ADCY5: variants seen among roughly 807,000 people sequenced by gnomAD.
ADCY5 encodes the protein adenylate cyclase type 5.
In ADCY5, 30 loss-of-function variants were observed where a neutral mutation model predicts 119.7. That is an observed-to-expected ratio of 0.25 (90% confidence interval 0.19 to 0.34). The LOEUF (loss-of-function observed/expected upper bound fraction) is 0.34, where lower values mean the gene tolerates loss of function less well. Ranked by LOEUF, ADCY5 falls within the 10% of genes least tolerant of loss-of-function variation. The pLI, the probability that ADCY5 is intolerant of heterozygous loss-of-function variation, is 1.00. For synonymous variants in ADCY5, 753 were observed against 762.2 expected, an observed-to-expected ratio of 0.99 and a Z score of 0.20; for missense variants, 1,324 against 1,775.2, an observed-to-expected ratio of 0.75 and a Z score of 4.57.
intron 12 of ADCY5, among the ~76,000 whole-genome samples, chr3:123,313,300 A>G (rs1940693990): frequency 6.6e-6 from 1 of 152,138 alleles, no homozygotes. Context: ...TGGAGAGAGA[A>G]AGGGGACTTT....
At chr3:123,396,774 G>GC (rs1159507727) in intron 1 of ADCY5, among the ~76,000 whole-genome samples, 9 of 98,354 alleles carry the variant, frequency 9.2e-5, no homozygotes, top group African/African-American at 2.7e-4. Context: ...AGGAAGGAAG[G>GC]AAGGAAGGCA....
At chr3:123,359,332 AT>A (rs1408606005) in intron 1 of ADCY5, among the ~76,000 whole-genome samples, 3 of 2,788 alleles carry the variant, frequency 1.1e-3, no homozygotes, top group Non-Finnish European at 2.0e-3. Flanking sequence ...TTATACTAAA[AT>A]ATATATATAT....
At chr3:123,331,103 G>T in intron 4 of ADCY5, 87 bp from the exon 5 acceptor site, 1 of 1,441,330 alleles carries the variant, frequency 6.9e-7, no homozygotes, top group African/African-American at 1.4e-5. Flanking sequence ...GATTCACCCC[G>T]TGCCTGGAAT....
At chr3:123,415,692 G>A (rs752985843) in intron 1 of ADCY5, among the ~76,000 whole-genome samples, 4 of 152,250 alleles carry the variant, frequency 2.6e-5, no homozygotes, top group South Asian at 4.1e-4. Context: ...AATCTGGTGC[G>A]CCTTCTTACT....
At chr3:123,348,927 TC>T (rs1559827305) in intron 2 of ADCY5, among the ~76,000 whole-genome samples, 1 of 152,106 alleles carries the variant, frequency 6.6e-6, no homozygotes, top group Non-Finnish European at 1.5e-5. Flanking sequence ...GTCCTGAGAT[TC>T]TTCTGCTTCT....
chr3:123,433,747 C>T (rs1053290943), intron 1 of ADCY5, among the ~76,000 whole-genome samples: 1 of 152,138 alleles, frequency 6.6e-6, no homozygotes, highest in Non-Finnish European at 1.5e-5. Flanking sequence ...GATGGGTCCC[C>T]AGCAGCCTCC....
intron 1 of ADCY5, among the ~76,000 whole-genome samples, chr3:123,388,256 G>A (rs762379531): frequency 1.1e-4 from 16 of 152,188 alleles, no homozygotes; most frequent in African/African-American, 3.6e-4. Flanking sequence ...GGGAGGGGCC[G>A]CGGAGGTTGG....
At chr3:123,314,152 C>T (rs1432121233) in intron 12 of ADCY5, 83 bp downstream of exon 12, 2 of 1,146,934 alleles carry the variant, frequency 1.7e-6, no homozygotes, top group East Asian at 2.5e-5. Context: ...GGCCCCTTCA[C>T]ATTTTGGGCC....
intron 1 of ADCY5, among the ~76,000 whole-genome samples, chr3:123,379,715 G>T (rs1002172248): frequency 7.2e-5 from 11 of 152,188 alleles, no homozygotes; most frequent in African/African-American, 2.4e-4. Flanking sequence ...GCCTCACAGT[G>T]CTCAGAGACG....
intron 1 of ADCY5, among the ~76,000 whole-genome samples, chr3:123,429,606 T>C (rs998224002): frequency 5.9e-5 from 9 of 151,914 alleles, no homozygotes; most frequent in African/African-American, 2.2e-4. Context: ...GCTGCCACAT[T>C]CACAAGTGAC....
At chr3:123,360,914 C>T (rs932793255) in intron 1 of ADCY5, among the ~76,000 whole-genome samples, 7 of 152,114 alleles carry the variant, frequency 4.6e-5, no homozygotes, top group Non-Finnish European at 8.8e-5. Flanking sequence ...CCCCCTCTGC[C>T]AATGAGGAAA....
chr3:123,338,543 C>G (rs1301799964), intron 3 of ADCY5, among the ~76,000 whole-genome samples: 1 of 152,212 alleles, frequency 6.6e-6, no homozygotes, highest in Admixed American at 6.5e-5. Context: ...TCAGCGCTGG[C>G]CCAGACGTGC....
chr3:123,334,613 C>G (rs984173461), intron 3 of ADCY5, among the ~76,000 whole-genome samples: 1 of 152,154 alleles, frequency 6.6e-6, no homozygotes, highest in African/African-American at 2.4e-5. Context: ...TGGCATGCAC[C>G]TGTAATCTCA....
chr3:123,285,681 T>G (rs897939158), intron 20 of ADCY5, among the ~76,000 whole-genome samples: 64 of 152,316 alleles, frequency 4.2e-4, no homozygotes, highest in African/African-American at 1.4e-3. Flanking sequence ...GTCATTATGG[T>G]GGCTGCTCAG....
chr3:123,304,339 C>A (rs1940080573), intron 12 of ADCY5, among the ~76,000 whole-genome samples, 156 bp from the exon 13 acceptor site: 1 of 152,192 alleles, frequency 6.6e-6, no homozygotes, highest in Non-Finnish European at 1.5e-5. Context: ...GCCTGCAAGG[C>A]TCCAGCCTTG....
intron 1 of ADCY5, among the ~76,000 whole-genome samples, chr3:123,383,813 TTCC>T (rs1402312952): frequency 1.3e-5 from 2 of 149,784 alleles, no homozygotes; most frequent in Non-Finnish European, 3.0e-5. Context: ...ACACACACCC[TTCC>T]TCAAGGTGCA....
At position 123,303,071 on chromosome 3, in the gene ADCY5, T is replaced by C; in HGVS notation, c.2708A>G (p.Asn903Ser). The change falls in exon 14 of 21, where the codon AAC becomes AGC. Residue 903 changes from asparagine (N) to serine (S), a missense_variant. Coordinates refer to ENST00000462833, the MANE Select transcript of ADCY5 (RefSeq NM_183357.3). ...EQGFCGSPWP[N>S]CNFPEYFTYS... ...ACCCAGTACCTCGGGGAAGTTGCAG[T>C]TGGGCCAGGGGCTGCCACAGAAGCC... is the stretch of plus-strand genomic sequence containing the variant. 6.2e-7 allele frequency: 1 copy of C among 1,613,682 alleles called. No homozygotes were observed. Among genetic ancestry groups the C allele is most frequent in the African/African-American group, 1.3e-5 (1 of 75,068 alleles).
At chr3:123,419,008 G>A (rs1213682139) in intron 1 of ADCY5, 1 of 381,946 alleles carries the variant, frequency 2.6e-6, no homozygotes, top group Admixed American at 6.4e-5. Context: ...GGCTTTTCTG[G>A]TCCTCCAGCT....
chr3:123,302,117 C>T (rs1167608205), intron 14 of ADCY5, among the ~76,000 whole-genome samples: 1 of 152,206 alleles, frequency 6.6e-6, no homozygotes, highest in Non-Finnish European at 1.5e-5. Flanking sequence ...TAGACCTTCT[C>T]CCCAGAAAAA....
Sources: gnomAD v4.1 joint callset for allele counts (sites outside exome capture counted in the v4.1 genomes callset) on GRCh38, gnomAD v4.1.1 for gene constraint, MANE v1.5 for transcripts, NCBI Gene and HGNC (gene_info 2026-07-23, HGNC 2026-07-21) for gene names.